Variants in RFTN1 observed in about 807,000 individuals in gnomAD.
The protein encoded by RFTN1 is raftlin, lipid raft linker 1, also known as raftlin.
RFTN1 carries 26 observed loss-of-function variants against 46.5 expected under a neutral mutation model. The ratio of observed to expected loss-of-function variants is 0.56; its 90% CI spans 0.41 to 0.78. The LOEUF (loss-of-function observed/expected upper bound fraction) is 0.78. RFTN1 is among the 30% of genes least tolerant of loss of function. RFTN1 has a pLI of 0.00. For synonymous variants in RFTN1, 261 were observed against 284.2 expected, an observed-to-expected ratio of 0.92 and a Z score of 0.82; for missense variants, 693 against 718.7, an observed-to-expected ratio of 0.96 and a Z score of 0.41.
At chr3:16,510,966 A>G (rs555747179) in intron 1 of RFTN1, among the ~76,000 whole-genome samples, 1 of 152,346 alleles carries the variant, frequency 6.6e-6, no homozygotes, top group African/African-American at 2.4e-5. Flanking sequence ...TAAGTCAGCA[A>G]TAAAAAAAGA....
intron 7 of RFTN1, chr3:16,350,082 C>T (rs2071989910): frequency 6.6e-6 from 1 of 152,152 alleles, no homozygotes; most frequent in Non-Finnish European, 1.5e-5. Flanking sequence ...GGTGTTTGAT[C>T]AAGTAAGTGA....
intron 4 of RFTN1, among the ~76,000 whole-genome samples, chr3:16,386,066 T>C (rs186441715): frequency 6.6e-6 from 1 of 152,354 alleles, no homozygotes; most frequent in East Asian, 1.9e-4. Context: ...ACTTTCGTCA[T>C]AGTCCTGTGG....
chr3:16,377,622 A>G (rs1223792840), intron 5 of RFTN1, 96 bp downstream of exon 5: 1 of 1,503,080 alleles, frequency 6.7e-7, no homozygotes, highest in Non-Finnish European at 8.9e-7. Flanking sequence ...TACACTCTAA[A>G]TTCCATTCCT....
intron 2 of RFTN1, among the ~76,000 whole-genome samples, chr3:16,487,434 G>C (rs117323667): frequency 1.3e-5 from 2 of 152,150 alleles, no homozygotes; most frequent in Non-Finnish European, 2.9e-5. Context: ...TAGAACTTTC[G>C]GCAATGATAA....
In RFTN1 at chr3:16,474,745, T is replaced by C. The variant is rs2076254687; in HGVS notation, c.145+18980A>G. Among the ~76,000 whole-genome samples the C allele has an allele frequency of 6.6e-6, 1 of 152,248 alleles. No homozygotes were observed. Among genetic ancestry groups the C allele is most frequent in the Non-Finnish European group, 1.5e-5 (1 of 68,042 alleles). Reference sequence around the variant, plus strand: ...CTTTGTTTTAAAAAGCACCATTTGTTAGCCCAACATTCCCCATGGAGCCAG... The same window carrying C: ...CTTTGTTTTAAAAAGCACCATTTGTCAGCCCAACATTCCCCATGGAGCCAG... On this transcript the variant is annotated intron_variant, in intron 2 of 9. Coordinates refer to ENST00000334133, the MANE Select transcript of RFTN1 (RefSeq NM_015150.2). The surrounding 1 kb of genome is among the most constrained non-coding windows in gnomAD (Gnocchi z 5.5).
At chr3:16,434,669 G>C (rs1326606308) in intron 2 of RFTN1, 1 of 151,598 alleles carries the variant, frequency 6.6e-6, no homozygotes, top group Non-Finnish European at 1.5e-5. Context: ...CAGAAATAAA[G>C]AAAGAAAGGA....
intron 6 of RFTN1, among the ~76,000 whole-genome samples, chr3:16,359,506 A>G (rs918315115): frequency 6.6e-6 from 1 of 152,134 alleles, no homozygotes; most frequent in African/African-American, 2.4e-5. Flanking sequence ...TAGAAGAGGA[A>G]GAGAAACCAG....
chr3:16,323,234 G>A (rs761944901), intron 9 of RFTN1, 142 bp downstream of exon 9: 7 of 629,688 alleles, frequency 1.1e-5, no homozygotes, highest in Admixed American at 5.9e-5. Context: ...GATGTGATTC[G>A]GGTTGCCAGG....
intron 2 of RFTN1, among the ~76,000 whole-genome samples, chr3:16,436,951 T>C (rs1575290062): frequency 6.6e-6 from 1 of 152,216 alleles, no homozygotes; most frequent in Admixed American, 6.5e-5. Context: ...CTTGCTCCAC[T>C]AAAAAAGTCT....
Position 16,381,357 on chromosome 3 carries a change from G to T in RFTN1, c.442-3255C>A, listed in dbSNP as rs1215549714. Among the ~76,000 whole-genome samples, 3 of 152,170 alleles carry T rather than the reference G, an allele frequency of 2.0e-5. No individual in the cohort carries two copies. Among genetic ancestry groups the T allele is most frequent in the Non-Finnish European group, 2.9e-5 (2 of 68,034 alleles). On this transcript the variant is annotated intron_variant, in intron 4 of 9. Transcript: ENST00000334133. This position sits in a 1 kb window ranked among gnomAD's most constrained non-coding sequence, Gnocchi z 4.2. ...AATATTGTAAAAATTCCTCATAGAG[G>T]ATAATATAGTAATGGATGTGAAGGC... is the stretch of plus-strand genomic sequence containing the variant.
chr3:16,320,533 ACT>A lies in RFTN1; in HGVS notation c.1332+2841_1332+2842del, dbSNP rs2068931143. 6.6e-6 allele frequency among the ~76,000 whole-genome samples: 1 copy of A among 152,214 alleles called. No homozygotes were observed. Among genetic ancestry groups the A allele is most frequent in the Non-Finnish European group, 1.5e-5 (1 of 68,042 alleles). ...TTTGCTCTTGTGGAGACTATGTCTGACTCTGCCTGGGAAGGATAAAATAATGA... is the reference window on the plus strand; with the variant it reads ...TTTGCTCTTGTGGAGACTATGTCTGACTGCCTGGGAAGGATAAAATAATGA... On this transcript the variant is annotated intron_variant, in intron 9 of 9. Coordinates refer to ENST00000334133, the MANE Select transcript of RFTN1 (RefSeq NM_015150.2). This position sits in a 1 kb window ranked among gnomAD's most constrained non-coding sequence, Gnocchi z 4.5.
At position 16,457,014 on chromosome 3, in the gene RFTN1, A is replaced by T. The variant is rs941770413; in HGVS notation, c.146-22977T>A. 1.3e-4 allele frequency among the ~76,000 whole-genome samples: 20 copies of T among 152,282 alleles called. No individual in the cohort carries two copies. The highest frequency in any genetic ancestry group is 5.2e-4 in the Admixed American group (8 of 15,312). ...TGTGTCAATAAAAAGTTTTTTTTTT[A>T]AATGACAGATGCCATTGCTATAAGA... On this transcript the variant is annotated intron_variant, in intron 2 of 9. Coordinates refer to ENST00000334133, the MANE Select transcript of RFTN1 (RefSeq NM_015150.2). This position sits in a 1 kb window ranked among gnomAD's most constrained non-coding sequence, Gnocchi z 4.2.
intron 4 of RFTN1, among the ~76,000 whole-genome samples, chr3:16,406,898 C>T (rs192802717): frequency 2.2e-4 from 34 of 152,258 alleles, no homozygotes; most frequent in African/African-American, 6.0e-4. Context: ...AATCATCAGA[C>T]ACACATGTGC....
At chr3:16,491,669 G>A (rs1048591018) in intron 2 of RFTN1, among the ~76,000 whole-genome samples, 2 of 152,024 alleles carry the variant, frequency 1.3e-5, no homozygotes, top group African/African-American at 4.8e-5. Context: ...AGCACTGCAT[G>A]GAAACTTCAT....
At chr3:16,343,198 C>T (rs2071424940) in intron 7 of RFTN1, among the ~76,000 whole-genome samples, 1 of 152,160 alleles carries the variant, frequency 6.6e-6, no homozygotes, top group Non-Finnish European at 1.5e-5. Flanking sequence ...GGTTTGGGAA[C>T]CACTGCGCTA....
Position 16,321,549 on chromosome 3 carries a change from C to A in RFTN1, c.1332+1827G>T, listed in dbSNP as rs2069055886. On this transcript the variant is annotated intron_variant, in intron 9 of 9. Coordinates refer to ENST00000334133, the MANE Select transcript of RFTN1 (RefSeq NM_015150.2). This position sits in a 1 kb window ranked among gnomAD's most constrained non-coding sequence, Gnocchi z 4.8. ...CAGCTGAGGAGTGAGGAGGGGACAC[C>A]CAGTGCAGAAGATTCTTCCAAGGAG... 6.6e-6 allele frequency among the ~76,000 whole-genome samples: 1 copy of A among 152,066 alleles called. No homozygotes were observed. The highest frequency in any genetic ancestry group is 1.5e-5 in the Non-Finnish European group (1 of 68,008).
chr3:16,399,659 C>T (rs904720630), intron 4 of RFTN1, among the ~76,000 whole-genome samples: 1 of 152,178 alleles, frequency 6.6e-6, no homozygotes, highest in Non-Finnish European at 1.5e-5. Context: ...CCTTCCTGGG[C>T]GATTTCATCC....
At chr3:16,476,848 C>G (rs1278401396) in intron 2 of RFTN1, among the ~76,000 whole-genome samples, 1 of 152,174 alleles carries the variant, frequency 6.6e-6, no homozygotes, top group Admixed American at 6.5e-5. Flanking sequence ...TTTTTCTTTA[C>G]TTTCAATTTA....
intron 4 of RFTN1, among the ~76,000 whole-genome samples, chr3:16,378,394 AT>A (rs11291864): frequency 0.15 from 23,537 of 152,210 alleles, 2,137 homozygotes; most frequent in South Asian, 0.24. Context: ...CCTTATTAAC[AT>A]TTTTTAAAGA....
Sources: gnomAD v4.1 joint callset for allele counts (sites outside exome capture counted in the v4.1 genomes callset) on GRCh38, gnomAD v4.1.1 for gene constraint, Gnocchi (gnomAD v3.1) non-coding constraint, MANE v1.5 for transcripts, NCBI Gene and HGNC (gene_info 2026-07-23, HGNC 2026-07-21) for gene names.